The following ROBO1 variants were observed in gnomAD, a reference collection of about 807,000 sequenced individuals.
The protein encoded by ROBO1 is roundabout homolog 1.
ROBO1 carries 149 observed loss-of-function variants against 195.9 expected under a neutral mutation model. That is an observed-to-expected ratio of 0.76 (90% CI 0.67 to 0.87). The LOEUF is 0.87. Among genes scored for constraint, ROBO1 ranks in the 40% least tolerant of loss-of-function variants. The pLI is 0.00. For synonymous variants in ROBO1, 816 were observed against 733.2 expected (o/e 1.11, Z -1.82); for missense variants, 1,933 against 2,068.3 (o/e 0.93, Z 1.27).
chr3:78,739,706 A>G (rs954006532), intron 5 of ROBO1, among the ~76,000 whole-genome samples: 1 of 152,164 alleles, frequency 6.6e-6, no homozygotes, highest in Admixed American at 6.5e-5. Flanking sequence ...TCAAATTTAA[A>G]AACCTTTGTT....
At chr3:78,999,443 C>T (rs555111485) in intron 3 of ROBO1, among the ~76,000 whole-genome samples, 1 of 152,000 alleles carries the variant, frequency 6.6e-6, no homozygotes, top group South Asian at 2.1e-4. Flanking sequence ...TACACAGGAA[C>T]AGAAAACCAA....
chr3:78,988,923 G>A (rs573240405), intron 3 of ROBO1, among the ~76,000 whole-genome samples: 1 of 152,200 alleles, frequency 6.6e-6, no homozygotes, highest in East Asian at 1.9e-4. Flanking sequence ...ACCAAAAAAA[G>A]GTGCTGGGAT....
At chr3:79,666,806 T>C (rs1273167606) in intron 1 of ROBO1, among the ~76,000 whole-genome samples, 1 of 151,958 alleles carries the variant, frequency 6.6e-6, no homozygotes, top group East Asian at 1.9e-4. Context: ...CCATCTATGA[T>C]TTTAGATAAC....
chr3:79,572,586 G>A (rs1252080822), intron 2 of ROBO1, among the ~76,000 whole-genome samples: 1 of 151,828 alleles, frequency 6.6e-6, no homozygotes, highest in Non-Finnish European at 1.5e-5. Flanking sequence ...AAGAGAAAAA[G>A]GATGGTCTTC....
chr3:79,048,506 C>T (rs1256555196), intron 3 of ROBO1, among the ~76,000 whole-genome samples: 2 of 152,130 alleles, frequency 1.3e-5, no homozygotes, highest in African/African-American at 4.8e-5. Context: ...GAACCCCAAA[C>T]TAACACAACT....
intron 1 of ROBO1, among the ~76,000 whole-genome samples, chr3:79,709,951 C>T (rs967020941): frequency 6.6e-6 from 1 of 152,148 alleles, no homozygotes; most frequent in Non-Finnish European, 1.5e-5. Context: ...GCTGCATTGA[C>T]TTTGGACTTC....
intron 2 of ROBO1, among the ~76,000 whole-genome samples, chr3:79,498,581 C>T (rs960644626): frequency 2.6e-5 from 4 of 152,242 alleles, no homozygotes; most frequent in Middle Eastern, 3.4e-3. Flanking sequence ...TGGCCGGGCA[C>T]GGTGGCTCAC....
At chr3:78,630,836 A>ATT (rs1705133800) in intron 25 of ROBO1, among the ~76,000 whole-genome samples, 3 of 152,208 alleles carry the variant, frequency 2.0e-5, no homozygotes, top group African/African-American at 7.2e-5. Flanking sequence ...GACCTGTCAC[A>ATT]GAAGTTCTAA....
intron 2 of ROBO1, among the ~76,000 whole-genome samples, chr3:79,292,637 G>A (rs114184440): frequency 0.019 from 2,865 of 152,172 alleles, 87 homozygotes; most frequent in African/African-American, 0.064. Context: ...AGACAAATAC[G>A]TGTTTTTTTC....
At chr3:79,746,379 A>G (rs1339486340) in intron 1 of ROBO1, among the ~76,000 whole-genome samples, 2 of 152,020 alleles carry the variant, frequency 1.3e-5, no homozygotes, top group African/African-American at 4.8e-5. Flanking sequence ...TGATACAAGC[A>G]TTAATTAATT....
Position 78,935,084 on chromosome 3 carries a change from T to C in ROBO1, c.499+3517A>G, listed in dbSNP as rs140291041. ...AATAACAATGAAAGAACATAATATA[T>C]TGAAAGCAGCGAGAAAATATTCCTT... On this transcript the variant is annotated intron_variant, in intron 4 of 30. Coordinates refer to ENST00000464233, the MANE Select transcript of ROBO1 (RefSeq NM_002941.4). 3.3e-3 allele frequency among the ~76,000 whole-genome samples: 506 copies of C among 152,200 alleles called. 4 individuals carry two copies. Among genetic ancestry groups the C allele is most frequent in the African/African-American group, 0.012 (481 of 41,576 alleles).
At chr3:78,937,798 A>T (rs2039892840) in intron 4 of ROBO1, among the ~76,000 whole-genome samples, 2 of 152,184 alleles carry the variant, frequency 1.3e-5, no homozygotes, top group African/African-American at 4.8e-5. Flanking sequence ...AAAATAAAAT[A>T]TAAGGCATAT....
intron 1 of ROBO1, among the ~76,000 whole-genome samples, chr3:79,718,900 A>T (rs964735422): frequency 6.6e-6 from 1 of 152,066 alleles, no homozygotes; most frequent in Non-Finnish European, 1.5e-5. Context: ...AGATTCTGTA[A>T]CCTGGATATA....
chr3:79,322,521 C>T (rs972991898), intron 2 of ROBO1, among the ~76,000 whole-genome samples: 1 of 152,184 alleles, frequency 6.6e-6, no homozygotes, highest in Non-Finnish European at 1.5e-5. Flanking sequence ...GACCCTAATA[C>T]TGTTCCTGAC....
intron 1 of ROBO1, among the ~76,000 whole-genome samples, chr3:79,733,923 C>T (rs1328573754): frequency 2.0e-5 from 3 of 151,172 alleles, no homozygotes; most frequent in South Asian, 2.1e-4. Context: ...ATAAGACTCA[C>T]TATCATCACC....
At chr3:78,747,029 A>C (rs2082675230) in intron 4 of ROBO1, 129 bp from the exon 5 acceptor site, 1 of 501,100 alleles carries the variant, frequency 2.0e-6, no homozygotes, top group South Asian at 8.6e-5. Flanking sequence ...TACAGCTTTA[A>C]GAATCTATAT....
chr3:79,318,196 A>T (rs1204776408), intron 2 of ROBO1, among the ~76,000 whole-genome samples: 2 of 152,230 alleles, frequency 1.3e-5, no homozygotes, highest in Non-Finnish European at 2.9e-5. Context: ...TGATTTAAAC[A>T]TTAATCTCAT....
At chr3:79,236,862 T>C (rs1031318103) in intron 2 of ROBO1, among the ~76,000 whole-genome samples, 1 of 152,132 alleles carries the variant, frequency 6.6e-6, no homozygotes, top group Non-Finnish European at 1.5e-5. Flanking sequence ...CAAAGAATAG[T>C]GGATAAGAGT....
At chr3:79,055,634 A>G (rs1011615529) in intron 3 of ROBO1, among the ~76,000 whole-genome samples, 1 of 152,116 alleles carries the variant, frequency 6.6e-6, no homozygotes, top group Non-Finnish European at 1.5e-5. Context: ...GCTGAAATTA[A>G]TATTCCACAT....
Sources: allele counts gnomAD v4.1 joint callset (sites outside exome capture counted in the v4.1 genomes callset), GRCh38; gene constraint gnomAD v4.1.1; transcripts MANE v1.5; gene names NCBI Gene and HGNC (gene_info 2026-07-23, HGNC 2026-07-21).